Variants in SLCO1C1 observed in about 807,000 individuals in gnomAD.
SLCO1C1 encodes OAT-RP-5.
SLCO1C1 carries 70 observed loss-of-function variants against 76.4 expected under a neutral mutation model. The observed-to-expected ratio is 0.92, with a 90% CI of 0.76 to 1.12. The LOEUF (loss-of-function observed/expected upper bound fraction) is 1.12, where lower values mean the gene tolerates loss of function less well. Ranked by LOEUF, SLCO1C1 falls within the 50% of genes most tolerant of loss-of-function variation. The pLI is 0.00. For synonymous variants in SLCO1C1, 306 were observed against 286.1 expected, an observed-to-expected ratio of 1.07 and a Z score of -0.70; for missense variants, 912 against 823.8, an observed-to-expected ratio of 1.11 and a Z score of -1.31.
At chr12:20,702,448 G>A (rs986991395) in intron 3 of SLCO1C1, among the ~76,000 whole-genome samples, 2 of 151,762 alleles carry the variant, frequency 1.3e-5, no homozygotes, top group African/African-American at 4.8e-5. Context: ...AAATTTTAAT[G>A]TCCACACAAA....
At chr12:20,699,857 G>A in intron 2 of SLCO1C1, 152 bp downstream of exon 2, 1 of 861,096 alleles carries the variant, frequency 1.2e-6, no homozygotes, top group Non-Finnish European at 1.6e-6. Flanking sequence ...TTGCCAGGCG[G>A]TGCAAGCAAT....
At chr12:20,709,378 AAAT>A (rs1219159443) in intron 4 of SLCO1C1, among the ~76,000 whole-genome samples, 3 of 152,162 alleles carry the variant, frequency 2.0e-5, no homozygotes, top group African/African-American at 7.2e-5. Context: ...TTTGAAATCA[AAAT>A]AATTATGATG....
intron 11 of SLCO1C1, 37 bp from the exon 12 acceptor site, chr12:20,740,145 GTT>G: frequency 6.5e-7 from 1 of 1,533,702 alleles, no homozygotes; most frequent in Non-Finnish European, 8.9e-7. Context: ...TTATTTAAAT[GTT>G]ACTGAAATAA....
At chr12:20,728,072 G>C (rs766503112) in intron 9 of SLCO1C1, among the ~76,000 whole-genome samples, 8 of 152,142 alleles carry the variant, frequency 5.3e-5, no homozygotes, top group Non-Finnish European at 1.2e-4. Flanking sequence ...TGAGGACAAA[G>C]ACATAAATTC....
At position 20,723,226 on chromosome 12, in the gene SLCO1C1, G is replaced by A; in HGVS notation, c.1158G>A (p.Gln386=). The A allele has an allele frequency of 1.2e-6, 2 of 1,613,872 alleles. No individual in the cohort carries two copies. The highest frequency in any genetic ancestry group is 2.2e-5 in the East Asian group (1 of 44,874). ...KPKYIEQQYG[Q]SSSRANFVIG... ...AGTACATTGAGCAGCAGTATGGACA[G>A]TCATCCTCCAGGGCCAACTTTGTGA... Residue 386 remains glutamine (Q), a synonymous_variant, in exon 9 of 15, where the codon CAG becomes CAA. Transcript: ENST00000266509.
chr12:20,699,605 A>C lies in SLCO1C1; in HGVS notation c.29A>C (p.Gln10Pro), dbSNP rs1031057464. 3.7e-6 allele frequency: 6 copies of C among 1,612,080 alleles called. No homozygotes were observed. The highest frequency in any genetic ancestry group is 1.7e-5 in the Admixed American group (1 of 59,720). Residue 10 changes from glutamine (Q) to proline (P), a missense_variant, in exon 2 of 15, where the codon CAG becomes CCG. Coordinates refer to ENST00000266509, the MANE Select transcript of SLCO1C1 (RefSeq NM_017435.5). MDTSSKENI[Q>P]LFCKTSVQPV... ...GACACTTCATCCAAAGAAAATATCC[A>C]GTTGTTCTGCAAAACTTCAGTGCAA...
chr12:20,700,205 A>C (rs71446715), intron 2 of SLCO1C1: 5,238 of 151,994 alleles, frequency 0.034, 122 homozygotes, highest in Middle Eastern at 0.058. Context: ...CTAACCATGT[A>C]CAAAGATTCC....
In SLCO1C1 at chr12:20,752,811, C is replaced by G. The variant is rs1949375246; in HGVS notation, c.*283C>G. 9.9e-6 allele frequency: 2 copies of G among 203,038 alleles called. No individual in the cohort carries two copies. Among genetic ancestry groups the G allele is most frequent in the Non-Finnish European group, 2.0e-5 (2 of 101,914 alleles). 12.6% of individuals were successfully genotyped at this position (203,038 alleles called of 1,614,324 possible). On this transcript the variant is annotated 3_prime_UTR_variant, in exon 15 of 15. Transcript: ENST00000266509. ...CTTTGTGCTCATTGATATATATTAG[C>G]TGTACTCCTAGAAGAACAATTGTCT...
chr12:20,718,615 G>GCTCCA (rs1208555766), intron 7 of SLCO1C1, among the ~76,000 whole-genome samples: 4 of 152,048 alleles, frequency 2.6e-5, no homozygotes, highest in African/African-American at 9.7e-5. Flanking sequence ...GTTTCCAACG[G>GCTCCA]GTTTGGACTG....
chr12:20,751,786 C>T (rs1409728780), intron 14 of SLCO1C1, among the ~76,000 whole-genome samples: 1 of 152,104 alleles, frequency 6.6e-6, no homozygotes, highest in Non-Finnish European at 1.5e-5. Flanking sequence ...CTATAGGTTT[C>T]TCATGAAATA....
intron 3 of SLCO1C1, among the ~76,000 whole-genome samples, chr12:20,702,508 A>G (rs1946572604): frequency 6.6e-6 from 1 of 151,942 alleles, no homozygotes; most frequent in African/African-American, 2.4e-5. Context: ...AATTGGTAGG[A>G]ACAGGATAAA....
At chr12:20,726,596 G>C (rs1948011180) in intron 9 of SLCO1C1, among the ~76,000 whole-genome samples, 1 of 152,032 alleles carries the variant, frequency 6.6e-6, no homozygotes, top group Non-Finnish European at 1.5e-5. Flanking sequence ...AAATGATTTT[G>C]CTTTTTAAAG....
In SLCO1C1 at chr12:20,752,339, C is replaced by A. The variant is rs773711297; in HGVS notation, c.1950C>A (p.Gly650=). The change falls in exon 15 of 15, where the codon GGC becomes GGA. Residue 650 remains glycine, a synonymous_variant. Coordinates refer to ENST00000266509, the MANE Select transcript of SLCO1C1 (RefSeq NM_017435.5). ...ATCTGGGACTAACTGTGATACTGGG[C>A]ACAGTGTCAATTCTCCTAAGCATTG... ...HIYLGLTVIL[G]TVSILLSIAV... 3.7e-6 allele frequency: 6 copies of A among 1,609,790 alleles called. No individual in the cohort carries two copies. In the South Asian group the frequency reaches 5.5e-5, roughly 15 times the overall value.
intron 7 of SLCO1C1, among the ~76,000 whole-genome samples, chr12:20,719,725 AGTTTGAAG>A (rs1947559224): frequency 6.6e-6 from 1 of 152,248 alleles, no homozygotes; most frequent in African/African-American, 2.4e-5. Flanking sequence ...GCAGAAGAAA[AGTTTGAAG>A]CTGGCGCAAA....
chr12:20,711,448 T>C lies in SLCO1C1; in HGVS notation c.467T>C (p.Leu156Pro). The change falls in exon 5 of 15, where the codon CTA becomes CCA. Residue 156 changes from leucine to proline, a missense_variant. Transcript: ENST00000266509. ...ACTCTCAGCATCTCTCCGTGTCTCC[T>C]AGAGTCAAGCAGTCAATTACCAGTT... Reference protein sequence around the residue: ...NSTLSISPCLLESSSQLPVSV... With the variant: ...NSTLSISPCLPESSSQLPVSV... The C allele has an allele frequency of 6.2e-7, 1 of 1,613,974 alleles. No individual in the cohort carries two copies. Among genetic ancestry groups the C allele is most frequent in the African/African-American group, 1.3e-5 (1 of 75,040 alleles).
At chr12:20,724,191 G>A (rs919244532) in intron 9 of SLCO1C1, among the ~76,000 whole-genome samples, 3 of 151,492 alleles carry the variant, frequency 2.0e-5, no homozygotes, top group African/African-American at 7.3e-5. Context: ...CTGACCTAAA[G>A]AAATATTTTG....
Position 20,737,145 on chromosome 12 carries a change from C to T in SLCO1C1, c.1421C>T (p.Ser474Leu). 1 of 1,550,124 alleles carries T rather than the reference C, an allele frequency of 6.5e-7. No individual in the cohort carries two copies. ...PVSYHERALF[S>L]DCNSRCKCSE... ...TCTTATCATGAACGAGCTCTCTTTT[C>T]AGATTGCAACTCAAGATGCAAATGT... Residue 474 changes from serine to leucine, a missense_variant, in exon 11 of 15, where the codon TCA becomes TTA. Transcript: ENST00000266509.
Position 20,740,272 on chromosome 12 carries a change from G to C in SLCO1C1, c.1637G>C (p.Gly546Ala). 1.2e-5 allele frequency: 19 copies of C among 1,613,888 alleles called. No homozygotes were observed. The highest frequency in any genetic ancestry group is 1.6e-5 in the Non-Finnish European group (19 of 1,179,926). The stretch of plus-strand genomic sequence containing the variant: ...GTGGGAAGATGTCAGAAAGACAATG[G>C]ATGTCCCCAAATGTTTCTGTATTTC... ...GIVGRCQKDN[G>A]CPQMFLYFLV... The change falls in exon 12 of 15, where the codon GGA (glycine) becomes GCA (alanine). Residue 546 changes from glycine (G) to alanine (A), a missense_variant. Transcript: ENST00000266509.
Position 20,727,549 on chromosome 12 carries a change from A to G in SLCO1C1, c.1186+4295A>G, listed in dbSNP as rs188695194. ...TTTTGAGCCAGAGTCTCGCTCTGTCACCCAGGCTGGAGTGCAGTGGCGCCA... is the reference window on the plus strand; with the variant it reads ...TTTTGAGCCAGAGTCTCGCTCTGTCGCCCAGGCTGGAGTGCAGTGGCGCCA... On this transcript the variant is annotated intron_variant, in intron 9 of 14. Transcript: ENST00000266509. Among the ~76,000 whole-genome samples the G allele has an allele frequency of 5.9e-5, 9 of 152,170 alleles. No homozygotes were observed. The South Asian group carries it at 8.3e-4, about 14-fold the overall frequency.
Sources: allele counts gnomAD v4.1 joint callset (sites outside exome capture counted in the v4.1 genomes callset), GRCh38; gene constraint gnomAD v4.1.1; transcripts MANE v1.5; gene names NCBI Gene and HGNC (gene_info 2026-07-23, HGNC 2026-07-21).